The following PARD3B variants were observed in gnomAD, a reference collection of about 807,000 sequenced individuals.
PARD3B encodes the protein partitioning defective 3 homolog B.
A neutral mutation model predicts 130.2 loss-of-function variants in PARD3B; 103 were observed. The observed-to-expected ratio is 0.79, with a 90% CI of 0.67 to 0.93. The LOEUF (loss-of-function observed/expected upper bound fraction) is 0.93. Among genes scored for constraint, PARD3B ranks in the 40% least tolerant of loss-of-function variants. PARD3B has a pLI of 0.00. For missense variants in PARD3B, 1,609 were observed against 1,499.2 expected (o/e 1.07, Z -1.21); for synonymous variants, 583 against 553.2 (o/e 1.05, Z -0.76).
intron 2 of PARD3B, among the ~76,000 whole-genome samples, chr2:204,825,158 A>G (rs2043520092): frequency 1.3e-5 from 2 of 152,186 alleles, no homozygotes; most frequent in Non-Finnish European, 2.9e-5. Context: ...GTCATATATG[A>G]TCTAGCTGTT....
At chr2:204,705,469 G>A (rs1159836971) in intron 2 of PARD3B, among the ~76,000 whole-genome samples, 2 of 152,090 alleles carry the variant, frequency 1.3e-5, no homozygotes, top group Non-Finnish European at 2.9e-5. Context: ...GAATAGCAGT[G>A]AATGAGGGCC....
intron 3 of PARD3B, among the ~76,000 whole-genome samples, chr2:205,033,987 T>C (rs1346942177): frequency 6.6e-6 from 1 of 152,182 alleles, no homozygotes; most frequent in East Asian, 1.9e-4. Flanking sequence ...GCAAGGCTGA[T>C]AACATGTGCT....
intron 2 of PARD3B, among the ~76,000 whole-genome samples, chr2:204,785,255 T>C (rs1251517222): frequency 6.6e-6 from 1 of 152,198 alleles, no homozygotes; most frequent in Non-Finnish European, 1.5e-5. Context: ...TCATTGAAAC[T>C]TCTCTAACCT....
intron 18 of PARD3B, among the ~76,000 whole-genome samples, chr2:205,320,244 G>A (rs2042706338): frequency 7.0e-6 from 1 of 141,970 alleles, no homozygotes; most frequent in Non-Finnish European, 1.5e-5. Context: ...AGGAAGGAAT[G>A]AAGGAAGGAA....
chr2:205,354,338 C>T (rs573485123), intron 18 of PARD3B, among the ~76,000 whole-genome samples: 5 of 151,930 alleles, frequency 3.3e-5, no homozygotes, highest in Non-Finnish European at 7.4e-5. Context: ...AGACAAAACC[C>T]CTCAGACAGC....
chr2:205,045,138 A>C (rs1342896524), intron 3 of PARD3B, among the ~76,000 whole-genome samples: 1 of 150,884 alleles, frequency 6.6e-6, no homozygotes, highest in Non-Finnish European at 1.5e-5. Context: ...TATGTTTCAA[A>C]TAGCTGATAC....
chr2:204,643,135 A>AAAAAAAAAAAAAAAAAAAC (rs1357282441), intron 1 of PARD3B, among the ~76,000 whole-genome samples: 2 of 147,332 alleles, frequency 1.4e-5, no homozygotes, highest in African/African-American at 5.0e-5. Flanking sequence ...AAAAAAAAAA[A>AAAAAAAAAAAAAAAAAAAC]ATGTTTGGCA....
At chr2:204,819,969 C>T (rs1415671793) in intron 2 of PARD3B, among the ~76,000 whole-genome samples, 2 of 151,778 alleles carry the variant, frequency 1.3e-5, no homozygotes, top group African/African-American at 2.4e-5. Context: ...CATAACATCA[C>T]AGTCCAGGGT....
At chr2:205,224,823 G>A (rs1223978438) in intron 15 of PARD3B, among the ~76,000 whole-genome samples, 11 of 151,370 alleles carry the variant, frequency 7.3e-5, no homozygotes, top group African/African-American at 1.5e-4. Context: ...TCCATGGGTC[G>A]AAAGAAAAAG....
chr2:204,812,179 T>C (rs2042985179), intron 2 of PARD3B, among the ~76,000 whole-genome samples: 1 of 152,202 alleles, frequency 6.6e-6, no homozygotes, highest in Non-Finnish European at 1.5e-5. Context: ...TGAGATTTAA[T>C]GATATTGCAG....
At chr2:205,517,440 G>C (rs73058196) in intron 21 of PARD3B, among the ~76,000 whole-genome samples, 6,051 of 152,022 alleles carry the variant, frequency 0.04, 210 homozygotes, top group South Asian at 0.13. Context: ...TTCATCATTT[G>C]TAATTGTGTT....
At chr2:205,228,810 T>TCTC (rs60807129) in intron 15 of PARD3B, among the ~76,000 whole-genome samples, 33,936 of 151,956 alleles carry the variant, frequency 0.22, 4,090 homozygotes, top group East Asian at 0.4. Context: ...TTCTTTTTAT[T>TCTC]CTCTGACTGT....
intron 16 of PARD3B, among the ~76,000 whole-genome samples, chr2:205,251,788 C>G (rs2039860286): frequency 6.6e-6 from 1 of 152,094 alleles, no homozygotes; most frequent in African/African-American, 2.4e-5. Context: ...TGTACTTGAA[C>G]TCTTTTCTTT....
chr2:205,061,263 T>C (rs1349929755), intron 4 of PARD3B, among the ~76,000 whole-genome samples: 1 of 152,158 alleles, frequency 6.6e-6, no homozygotes, highest in East Asian at 1.9e-4. Flanking sequence ...TTATTATTTC[T>C]TAAGGTTCTG....
Position 205,281,390 on chromosome 2 carries a change from C to G in PARD3B, c.2186-19140C>G, listed in dbSNP as rs1245363239. Among the ~76,000 whole-genome samples, 5 of 152,134 alleles carry G rather than the reference C, an allele frequency of 3.3e-5. No homozygotes were observed. Among genetic ancestry groups the G allele is most frequent in the Non-Finnish European group, 7.4e-5 (5 of 68,018 alleles). On this transcript the variant is annotated intron_variant, in intron 16 of 22. Coordinates refer to ENST00000406610, the MANE Select transcript of PARD3B (RefSeq NM_001302769.2). This position sits in a 1 kb window ranked among gnomAD's most constrained non-coding sequence, Gnocchi z 4.2. ...GACCCATCTTGTAGGTCCCACACTG[C>G]CTAAGTCATTTTCTGGTCTTCATAT...
intron 4 of PARD3B, among the ~76,000 whole-genome samples, chr2:205,065,443 T>C (rs1357414156): frequency 1.3e-5 from 2 of 152,214 alleles, no homozygotes; most frequent in African/African-American, 2.4e-5. Context: ...TGACCCAATA[T>C]ATAATTTAAA....
At chr2:205,437,974 A>C (rs556837489) in intron 19 of PARD3B, among the ~76,000 whole-genome samples, 39 of 152,216 alleles carry the variant, frequency 2.6e-4, no homozygotes, top group African/African-American at 9.2e-4. Context: ...ACCAAAAAAA[A>C]AATTTCCTTG....
chr2:205,494,560 A>AT (rs1450751649), intron 20 of PARD3B, among the ~76,000 whole-genome samples: 1 of 152,152 alleles, frequency 6.6e-6, no homozygotes, highest in African/African-American at 2.4e-5. Context: ...CTCCAACATC[A>AT]TTTTTTAATG....
intron 2 of PARD3B, among the ~76,000 whole-genome samples, chr2:204,830,546 A>G (rs2043779103): frequency 6.6e-6 from 1 of 152,214 alleles, no homozygotes; most frequent in Non-Finnish European, 1.5e-5. Context: ...CCTGGCATGT[A>G]TATTTTCTAA....
Sources: allele counts gnomAD v4.1 joint callset (sites outside exome capture counted in the v4.1 genomes callset), GRCh38; gene constraint gnomAD v4.1.1; non-coding constraint Gnocchi (gnomAD v3.1); transcripts MANE v1.5; gene names NCBI Gene and HGNC (gene_info 2026-07-23, HGNC 2026-07-21).